Variants in NRG1 observed in about 807,000 individuals in gnomAD.
NRG1 encodes pro-neuregulin-1, membrane-bound isoform.
In NRG1, 18 loss-of-function variants were observed where a neutral mutation model predicts 63.8. That is an observed-to-expected ratio of 0.28 (90% CI 0.19 to 0.42). NRG1 has a LOEUF of 0.42. Ranked by LOEUF, NRG1 falls within the 10% of genes least tolerant of loss-of-function variation. The pLI, the probability that NRG1 is intolerant of heterozygous loss-of-function variation, is 1.00. For missense variants in NRG1, 762 were observed against 814.7 expected, an observed-to-expected ratio of 0.94 and a Z score of 0.79; for synonymous variants, 302 against 301.3, an observed-to-expected ratio of 1.00 and a Z score of -0.02.
chr8:32,101,717 G>A (rs1479061782), intron 1 of NRG1, among the ~76,000 whole-genome samples: 2 of 152,116 alleles, frequency 1.3e-5, no homozygotes, highest in African/African-American at 4.8e-5. Context: ...GTTTAATGTG[G>A]AAGGTAAATT....
chr8:32,015,896 T>C (rs1321585563), intron 1 of NRG1, among the ~76,000 whole-genome samples: 4 of 152,010 alleles, frequency 2.6e-5, no homozygotes, highest in Non-Finnish European at 5.9e-5. Context: ...TATCAGTCAA[T>C]TTTAATCTAA....
chr8:31,818,947 G>C (rs773470709), intron 1 of NRG1, among the ~76,000 whole-genome samples: 1 of 152,118 alleles, frequency 6.6e-6, no homozygotes, highest in South Asian at 2.1e-4. Context: ...CCAGCTACTC[G>C]GGAGGCTGAG....
chr8:32,156,100 T>G (rs2131862954), intron 1 of NRG1, among the ~76,000 whole-genome samples: 1 of 152,336 alleles, frequency 6.6e-6, no homozygotes, highest in African/African-American at 2.4e-5. Flanking sequence ...GGTAGGCAGC[T>G]CCTGGCCCTT....
intron 7 of NRG1, among the ~76,000 whole-genome samples, chr8:32,753,973 T>G (rs1267621656): frequency 6.6e-6 from 1 of 152,140 alleles, no homozygotes; most frequent in African/African-American, 2.4e-5. Flanking sequence ...TGGTGTTGAT[T>G]CCTGTTGTCT....
chr8:32,405,069 T>C (rs1313384582), intron 1 of NRG1, among the ~76,000 whole-genome samples: 1 of 152,180 alleles, frequency 6.6e-6, no homozygotes, highest in East Asian at 1.9e-4. Context: ...TACAAAGGAA[T>C]GCAATGGGGC....
intron 1 of NRG1, among the ~76,000 whole-genome samples, chr8:31,756,828 A>C (rs1189849234): frequency 6.6e-6 from 1 of 152,184 alleles, no homozygotes; most frequent in Non-Finnish European, 1.5e-5. Context: ...TGAGTCCATT[A>C]AGCCTGGCTT....
intron 1 of NRG1, among the ~76,000 whole-genome samples, chr8:32,200,665 A>G (rs2132292922): frequency 6.6e-6 from 1 of 152,336 alleles, no homozygotes; most frequent in East Asian, 1.9e-4. Flanking sequence ...GATCAGATAG[A>G]AAGCTGTCTT....
intron 1 of NRG1, among the ~76,000 whole-genome samples, chr8:31,993,625 C>A (rs1811447061): frequency 6.6e-6 from 1 of 152,000 alleles, no homozygotes; most frequent in Non-Finnish European, 1.5e-5. Flanking sequence ...TGAGGCCTCC[C>A]CAGCCAATGT....
At chr8:31,803,349 G>C (rs1821973107) in intron 1 of NRG1, among the ~76,000 whole-genome samples, 1 of 152,170 alleles carries the variant, frequency 6.6e-6, no homozygotes, top group African/African-American at 2.4e-5. Flanking sequence ...GTCACAGTTA[G>C]AATAATTGCC....
At chr8:31,791,614 G>A (rs1225807176) in intron 1 of NRG1, among the ~76,000 whole-genome samples, 1 of 152,112 alleles carries the variant, frequency 6.6e-6, no homozygotes, top group Non-Finnish European at 1.5e-5. Context: ...TGATCATTAC[G>A]AAAGATGTCA....
chr8:32,080,438 AGTG>A (rs2131145879), intron 1 of NRG1, among the ~76,000 whole-genome samples: 1 of 152,310 alleles, frequency 6.6e-6, no homozygotes, highest in East Asian at 1.9e-4. Context: ...CCAGAAGTAA[AGTG>A]ACTACACCTA....
chr8:32,164,247 G>GAA (rs112518796), intron 1 of NRG1, among the ~76,000 whole-genome samples: 28,686 of 149,346 alleles, frequency 0.19, 3,004 homozygotes, highest in African/African-American at 0.28. Flanking sequence ...CCATCTGAAA[G>GAA]AAAAAAAAAA....
intron 1 of NRG1, among the ~76,000 whole-genome samples, chr8:31,724,073 T>C (rs890737254): frequency 6.6e-6 from 1 of 152,066 alleles, no homozygotes. Context: ...GAATTGATAA[T>C]GATCATATAT....
intron 1 of NRG1, among the ~76,000 whole-genome samples, chr8:32,369,976 A>C (rs1808587821): frequency 6.6e-6 from 1 of 152,098 alleles, no homozygotes; most frequent in South Asian, 2.1e-4. Flanking sequence ...AGACACCAAG[A>C]GCGGAGAGCA....
intron 1 of NRG1, among the ~76,000 whole-genome samples, chr8:32,149,605 T>A (rs1456073818): frequency 6.6e-6 from 1 of 152,228 alleles, no homozygotes; most frequent in Non-Finnish European, 1.5e-5. Flanking sequence ...AAGTTTTTGA[T>A]GCTAGAGCAT....
chr8:32,588,778 A>C (rs534194220), intron 1 of NRG1, among the ~76,000 whole-genome samples: 9 of 152,308 alleles, frequency 5.9e-5, no homozygotes, highest in African/African-American at 1.9e-4. Flanking sequence ...CCAGTGGTAA[A>C]GAGAGTCAGC....
At chr8:32,232,259 C>T (rs2129469108) in intron 1 of NRG1, among the ~76,000 whole-genome samples, 1 of 152,128 alleles carries the variant, frequency 6.6e-6, no homozygotes, top group South Asian at 2.1e-4. Context: ...TGCTCTTATG[C>T]CAAAGAAAAG....
intron 1 of NRG1, among the ~76,000 whole-genome samples, chr8:31,923,306 C>A (rs1290204623): frequency 6.6e-6 from 1 of 151,816 alleles, no homozygotes; most frequent in Non-Finnish European, 1.5e-5. Context: ...GATATCATAT[C>A]AAATATTAGA....
chr8:31,828,494 G>A (rs925428371), intron 1 of NRG1, among the ~76,000 whole-genome samples: 2 of 152,080 alleles, frequency 1.3e-5, no homozygotes, highest in Non-Finnish European at 2.9e-5. Context: ...TGCTCGACTG[G>A]GTCCAATAAT....
Sources: gnomAD v4.1 joint callset for allele counts (sites outside exome capture counted in the v4.1 genomes callset) on GRCh38, gnomAD v4.1.1 for gene constraint, MANE v1.5 for transcripts, NCBI Gene and HGNC (gene_info 2026-07-23, HGNC 2026-07-21) for gene names.